Variants in FHIT observed in about 807,000 individuals in gnomAD.
FHIT encodes fragile histidine triad diadenosine triphosphatase, also known as bis(5'-adenosyl)-triphosphatase.
A neutral mutation model predicts 17.9 loss-of-function variants in FHIT; 19 were observed. That is an observed-to-expected ratio of 1.06 (90% CI 0.74 to 1.56). The LOEUF (loss-of-function observed/expected upper bound fraction) is 1.56. FHIT is among the 40% of genes most tolerant of loss of function. FHIT has a pLI of 0.00. For synonymous variants in FHIT, 81 were observed against 69.7 expected (o/e 1.16, Z -0.81); for missense variants, 248 against 189.2 (o/e 1.31, Z -1.82).
chr3:60,876,124 C>A (rs1176126629), intron 3 of FHIT, among the ~76,000 whole-genome samples: 2 of 152,020 alleles, frequency 1.3e-5, no homozygotes, highest in Non-Finnish European at 2.9e-5. Flanking sequence ...CTTAAACCAC[C>A]TGAGATTTTA....
At chr3:60,500,671 G>A (rs933967777) in intron 5 of FHIT, among the ~76,000 whole-genome samples, 2 of 150,468 alleles carry the variant, frequency 1.3e-5, no homozygotes, top group African/African-American at 4.9e-5. Flanking sequence ...TACTAGGGAG[G>A]CTGAGGCAGG....
chr3:60,711,883 G>T (rs2041543580), intron 4 of FHIT, among the ~76,000 whole-genome samples: 1 of 152,154 alleles, frequency 6.6e-6, no homozygotes, highest in Admixed American at 6.5e-5. Flanking sequence ...CCACAATCTA[G>T]CAAGGCAGGC....
chr3:60,984,976 GAGAT>G (rs1447174319), intron 3 of FHIT, among the ~76,000 whole-genome samples: 2 of 152,138 alleles, frequency 1.3e-5, no homozygotes, highest in African/African-American at 4.8e-5. Context: ...CAGGATGGCA[GAGAT>G]TAGTACTAAG....
intron 3 of FHIT, among the ~76,000 whole-genome samples, chr3:60,834,858 C>T (rs72886250): frequency 0.028 from 3,987 of 143,664 alleles, 175 homozygotes; most frequent in African/African-American, 0.097. Flanking sequence ...GAGTGAGACA[C>T]TGTCTCAAAA....
chr3:60,311,735 T>C (rs149732705), intron 5 of FHIT, among the ~76,000 whole-genome samples: 2 of 152,302 alleles, frequency 1.3e-5, no homozygotes, highest in East Asian at 1.9e-4. Context: ...AGCTATCATT[T>C]GTATGGGCTC....
chr3:60,159,031 C>T (rs1168681263), intron 5 of FHIT, among the ~76,000 whole-genome samples: 2 of 152,136 alleles, frequency 1.3e-5, no homozygotes, highest in Non-Finnish European at 2.9e-5. Context: ...TGTTTGCTAA[C>T]CTTTTTCATT....
chr3:60,919,628 T>A (rs1162822778), intron 3 of FHIT, among the ~76,000 whole-genome samples: 4 of 152,150 alleles, frequency 2.6e-5, no homozygotes, highest in African/African-American at 9.7e-5. Context: ...TAGGAAAGGA[T>A]AAATTGAAGA....
At chr3:60,929,727 G>A (rs1707846211) in intron 3 of FHIT, among the ~76,000 whole-genome samples, 1 of 152,156 alleles carries the variant, frequency 6.6e-6, no homozygotes, top group South Asian at 2.1e-4. Context: ...ACAAACAAAT[G>A]GAAGAACATT....
intron 2 of FHIT, among the ~76,000 whole-genome samples, chr3:61,071,205 T>A (rs1303932338): frequency 1.3e-5 from 2 of 151,948 alleles, no homozygotes; most frequent in African/African-American, 4.8e-5. Context: ...ATACATAACT[T>A]CCATATCTAC....
At chr3:60,139,697 G>A (rs1699956350) in intron 5 of FHIT, among the ~76,000 whole-genome samples, 2 of 152,002 alleles carry the variant, frequency 1.3e-5, no homozygotes, top group African/African-American at 4.8e-5. Flanking sequence ...ACAGTGCCTG[G>A]CCCATAAACG....
intron 5 of FHIT, among the ~76,000 whole-genome samples, chr3:60,176,922 A>T (rs925716864): frequency 6.6e-6 from 1 of 152,162 alleles, no homozygotes; most frequent in African/African-American, 2.4e-5. Context: ...GAAAAGGATC[A>T]TGGAAAGAAA....
intron 5 of FHIT, among the ~76,000 whole-genome samples, chr3:60,234,307 T>C (rs1704654490): frequency 6.6e-6 from 1 of 152,230 alleles, no homozygotes. Context: ...CACTAACGGA[T>C]TTCATTTGAA....
chr3:60,750,872 C>G (rs1278034114), intron 4 of FHIT, among the ~76,000 whole-genome samples: 1 of 152,194 alleles, frequency 6.6e-6, no homozygotes, highest in Non-Finnish European at 1.5e-5. Context: ...ATTATTCAGA[C>G]AAGCCGACTT....
chr3:60,282,904 A>G (rs1057054063), intron 5 of FHIT, among the ~76,000 whole-genome samples: 3 of 152,172 alleles, frequency 2.0e-5, no homozygotes, highest in African/African-American at 4.8e-5. Flanking sequence ...TCAGCAGTCC[A>G]TGGTTTCAGG....
chr3:60,139,840 C>G (rs1369655258), intron 5 of FHIT, among the ~76,000 whole-genome samples: 1 of 146,320 alleles, frequency 6.8e-6, no homozygotes, highest in African/African-American at 2.7e-5. Flanking sequence ...AAATGGTTAA[C>G]TATGGCCACG....
chr3:60,072,447 T>C (rs116522287), intron 5 of FHIT, among the ~76,000 whole-genome samples: 8 of 138,052 alleles, frequency 5.8e-5, no homozygotes, highest in Non-Finnish European at 1.2e-4. Flanking sequence ...CAAAACATCG[T>C]CAACAACAAC....
intron 4 of FHIT, among the ~76,000 whole-genome samples, chr3:60,803,535 G>A (rs1453707674): frequency 2.0e-5 from 3 of 152,172 alleles, no homozygotes; most frequent in Admixed American, 6.5e-5. Flanking sequence ...AAGGTGCAGT[G>A]TATAAGCAAT....
intron 4 of FHIT, among the ~76,000 whole-genome samples, chr3:60,736,043 A>G (rs114996799): frequency 0.025 from 3,778 of 152,282 alleles, 177 homozygotes; most frequent in African/African-American, 0.085. Context: ...CACATGAAAA[A>G]ACTGTTGAAC....
intron 5 of FHIT, among the ~76,000 whole-genome samples, chr3:60,017,830 T>A (rs1170030875): frequency 6.6e-6 from 1 of 152,196 alleles, no homozygotes; most frequent in Non-Finnish European, 1.5e-5. Flanking sequence ...GAAAGACATA[T>A]TCGCATTAGT....
Sources: allele counts gnomAD v4.1 joint callset (sites outside exome capture counted in the v4.1 genomes callset), GRCh38; gene constraint gnomAD v4.1.1; transcripts MANE v1.5; gene names NCBI Gene and HGNC (gene_info 2026-07-23, HGNC 2026-07-21).